Variants in AKT2 observed in about 807,000 individuals in gnomAD.
AKT2 encodes RAC-beta serine/threonine-protein kinase.
Under a neutral mutation model 58.6 loss-of-function variants are expected in AKT2, and 16 were observed. That is an observed-to-expected ratio of 0.27 (90% CI 0.18 to 0.41). The LOEUF (loss-of-function observed/expected upper bound fraction) is 0.41, where lower values mean the gene tolerates loss of function less well. Among genes scored for constraint, AKT2 ranks in the 10% least tolerant of loss-of-function variants. AKT2 has a pLI of 1.00. For synonymous variants in AKT2, 253 were observed against 254.0 expected (o/e 1.00, Z 0.04); for missense variants, 438 against 661.0 (o/e 0.66, Z 3.70).
chr19:40,282,505 T>C, intron 1 of AKT2: 1 of 526,876 alleles, frequency 1.9e-6, no homozygotes, highest in Non-Finnish European at 3.9e-6. Flanking sequence ...AATGCTGGAC[T>C]GGCTGTAGGC....
Position 40,285,279 on chromosome 19 carries a change from A to ACGGCGCCGGCAGCGGCAG in AKT2, c.-201_-184dup, listed in dbSNP as rs2077494793. ...TTCCTTGTGTTTCCCGGCAGCGGCA[A>ACGGCGCCGGCAGCGGCAG]CGGCGCCGGCAGCGGCAGCGGCGGC... On this transcript the variant is annotated 5_prime_UTR_variant, in exon 1 of 14. Transcript: ENST00000392038. 2.5e-6 allele frequency: 1 copy of ACGGCGCCGGCAGCGGCAG among 394,846 alleles called. No individual in the cohort carries two copies. Among genetic ancestry groups the ACGGCGCCGGCAGCGGCAG allele is most frequent in the Non-Finnish European group, 4.5e-6 (1 of 223,856 alleles). The allele number at this position is 394,846 out of a possible 1,614,324, so 24.5% of individuals were successfully genotyped here.
chr19:40,272,624 C>T (rs1359844222), intron 1 of AKT2, among the ~76,000 whole-genome samples: 1 of 152,192 alleles, frequency 6.6e-6, no homozygotes, highest in Non-Finnish European at 1.5e-5. Context: ...CCTTGCAATC[C>T]ATGGACAAAA....
chr19:40,272,585 C>T (rs1304658772), intron 1 of AKT2, among the ~76,000 whole-genome samples: 1 of 152,224 alleles, frequency 6.6e-6, no homozygotes, highest in African/African-American at 2.4e-5. Flanking sequence ...TATTGTTTCA[C>T]ATGCTGATGT....
chr19:40,240,377 G>A (rs1401887998), intron 6 of AKT2: 6 of 667,846 alleles, frequency 9.0e-6, no homozygotes, highest in African/African-American at 3.6e-5. Context: ...AGACACCTGT[G>A]ACGTCCCTGC....
In AKT2 at chr19:40,234,825, C is replaced by T; in HGVS notation, c.1366+220G>A. 1 of 644,302 alleles carries T rather than the reference C, an allele frequency of 1.6e-6. No individual in the cohort carries two copies. Among genetic ancestry groups the T allele is most frequent in the Non-Finnish European group, 2.8e-6 (1 of 356,774 alleles). 39.9% of individuals were successfully genotyped at this position (644,302 alleles called of 1,614,324 possible). A position where few individuals can be genotyped will look rare whatever the true frequency, so the allele number is the denominator to read the frequency against. The stretch of plus-strand genomic sequence containing the variant: ...CCGGGCTGCCTCCTGCCCTGAGCCC[C>T]CCGACTGAGCTCCAGAACGTGCTGC... On this transcript the variant is annotated intron_variant, in intron 13 of 13. Coordinates refer to ENST00000392038, the MANE Select transcript of AKT2 (RefSeq NM_001626.6). This position sits in a 1 kb window ranked among gnomAD's most constrained non-coding sequence, Gnocchi z 4.7.
At chr19:40,246,399 C>T (rs1974755112) in intron 4 of AKT2, among the ~76,000 whole-genome samples, 1 of 152,184 alleles carries the variant, frequency 6.6e-6, no homozygotes. Context: ...GCTGGGATTA[C>T]AGGTGTGAGC....
In AKT2 at chr19:40,232,781, A is replaced by G. The variant is rs56327981; in HGVS notation, c.*1091T>C. ...CCCGCCGACACACGCAGTCCGAGGC[A>G]CGCACAGGAGTCCCACAGCACTGAC... On this transcript the variant is annotated 3_prime_UTR_variant, in exon 14 of 14. Transcript: ENST00000392038. 4.0e-4 allele frequency: 93 copies of G among 233,614 alleles called. No individual in the cohort carries two copies. In the Admixed American group the frequency reaches 4.7e-3, roughly 12 times the overall value. The allele number at this position is 233,614 out of a possible 1,614,324, so 14.5% of individuals were successfully genotyped here. A position where few individuals can be genotyped will look rare whatever the true frequency, so the allele number is the denominator to read the frequency against.
chr19:40,244,230 T>C (rs1974599410), intron 4 of AKT2: 1 of 151,734 alleles, frequency 6.6e-6, no homozygotes, highest in Admixed American at 6.6e-5. Flanking sequence ...ATGGCTTGCA[T>C]CCGGAAGTTT....
At chr19:40,246,535 C>T (rs1383296083) in intron 4 of AKT2, among the ~76,000 whole-genome samples, 1 of 152,060 alleles carries the variant, frequency 6.6e-6, no homozygotes, top group African/African-American at 2.4e-5. Flanking sequence ...CACAGATCTC[C>T]TAAGAGATAC....
In AKT2 at chr19:40,231,339, A is replaced by G. The variant is rs1973692613; in HGVS notation, c.*2533T>C. 1 of 232,870 alleles carries G rather than the reference A, an allele frequency of 4.3e-6. No homozygotes were observed. 14.4% of individuals were successfully genotyped at this position (232,870 alleles called of 1,614,324 possible). Reference sequence around the variant, plus strand: ...TGGGTCAACTCGGGGCTGGGACGAGATGGAAGAGTAAAAGGCCTTTCTTCA... The same window carrying G: ...TGGGTCAACTCGGGGCTGGGACGAGGTGGAAGAGTAAAAGGCCTTTCTTCA... On this transcript the variant is annotated 3_prime_UTR_variant, in exon 14 of 14. Coordinates refer to ENST00000392038, the MANE Select transcript of AKT2 (RefSeq NM_001626.6).
chr19:40,235,916 C>T lies in AKT2; in HGVS notation c.1149G>A (p.Gly383=), dbSNP rs1177138370. The change falls in exon 11 of 14, where the codon GGG becomes GGA. Residue 383 remains glycine (G), a synonymous_variant. Transcript: ENST00000392038. The surrounding 1 kb of genome is among the most constrained non-coding windows in gnomAD (Gnocchi z 6.3). ...TCTGCTTGGGGTCCTTCTTAAGCAGCCCAGCAAGCAGGGACTTGGCCTCGG... is the reference window on the plus strand; with the variant it reads ...TCTGCTTGGGGTCCTTCTTAAGCAGTCCAGCAAGCAGGGACTTGGCCTCGG... ...LSPEAKSLLA[G]LLKKDPKQRL... is the part of the protein sequence containing the mutation. The T allele has an allele frequency of 6.2e-7, 1 of 1,612,710 alleles. No individual in the cohort carries two copies. The highest frequency in any genetic ancestry group is 8.5e-7 in the Non-Finnish European group (1 of 1,179,936).
intron 4 of AKT2, among the ~76,000 whole-genome samples, chr19:40,252,922 T>C (rs1473457167): frequency 2.0e-5 from 3 of 152,216 alleles, no homozygotes; most frequent in Non-Finnish European, 4.4e-5. Flanking sequence ...GCACCTCAGC[T>C]GGCTTGAGAT....
rs1245279658 is a variant in AKT2 at position 40,233,395 on chromosome 19, C to A, written c.*477G>T. 4.5e-6 allele frequency: 2 copies of A among 447,548 alleles called. No individual in the cohort carries two copies. The highest frequency in any genetic ancestry group is 8.5e-6 in the Non-Finnish European group (2 of 236,218). 27.7% of individuals were successfully genotyped at this position (447,548 alleles called of 1,614,324 possible). A position where few individuals can be genotyped will look rare whatever the true frequency, so the allele number is the denominator to read the frequency against. Reference sequence around the variant, plus strand: ...GGGGACAGCGGGTGGGGGATTGGACCGCCCCGTGCCTGGCCACTCCGAGCC... The same window carrying A: ...GGGGACAGCGGGTGGGGGATTGGACAGCCCCGTGCCTGGCCACTCCGAGCC... On this transcript the variant is annotated 3_prime_UTR_variant, in exon 14 of 14. Transcript: ENST00000392038. This position sits in a 1 kb window ranked among gnomAD's most constrained non-coding sequence, Gnocchi z 4.3.
chr19:40,235,024 G>C lies in AKT2; in HGVS notation c.1366+21C>G. On this transcript the variant is annotated intron_variant, in intron 13 of 13. Transcript: ENST00000392038. The surrounding 1 kb of genome is among the most constrained non-coding windows in gnomAD (Gnocchi z 6.3). ...CCACCCCTGGGGCAGGCACACCAGCGCGGGGGCCCCAGGCACTCACAGCGG... is the reference window on the plus strand; with the variant it reads ...CCACCCCTGGGGCAGGCACACCAGCCCGGGGGCCCCAGGCACTCACAGCGG... 6.2e-7 allele frequency: 1 copy of C among 1,607,568 alleles called. No homozygotes were observed. Among genetic ancestry groups the C allele is most frequent in the Non-Finnish European group, 8.5e-7 (1 of 1,174,020 alleles).
chr19:40,275,720 C>T (rs1164848250), intron 1 of AKT2, among the ~76,000 whole-genome samples: 2 of 137,664 alleles, frequency 1.5e-5, no homozygotes, highest in South Asian at 2.2e-4. Context: ...TATGTGAGTC[C>T]GGGCACGATG....
chr19:40,246,318 G>T (rs1363652049), intron 4 of AKT2, among the ~76,000 whole-genome samples: 1 of 152,098 alleles, frequency 6.6e-6, no homozygotes, highest in African/African-American at 2.4e-5. Context: ...TAGAGACAGG[G>T]TTTCACCATG....
At chr19:40,278,886 G>A (rs1202512859) in intron 1 of AKT2, among the ~76,000 whole-genome samples, 3 of 151,872 alleles carry the variant, frequency 2.0e-5, no homozygotes, top group African/African-American at 2.4e-5. Context: ...CACAGCCACC[G>A]AGAGGGGTGC....
rs1599939944 is a variant in AKT2, at chr19:40,232,677, A to G, written c.*1195T>C. 2.6e-5 allele frequency: 6 copies of G among 233,496 alleles called. No individual in the cohort carries two copies. The East Asian group carries it at 3.6e-4, about 14-fold the overall frequency. The allele number at this position is 233,496 out of a possible 1,614,324, so 14.5% of individuals were successfully genotyped here. On this transcript the variant is annotated 3_prime_UTR_variant, in exon 14 of 14. Coordinates refer to ENST00000392038, the MANE Select transcript of AKT2 (RefSeq NM_001626.6). The stretch of plus-strand genomic sequence containing the variant: ...ATGCTCGGGCCAGGGATGGGGCCCA[A>G]GCCCACACACCATGCACACTGGAGG...
At chr19:40,239,590 C>G in intron 7 of AKT2, 1 of 351,930 alleles carries the variant, frequency 2.8e-6, no homozygotes, top group South Asian at 2.2e-5. Flanking sequence ...CAATCTAGTC[C>G]ATTTAACTGG....
Sources: allele counts gnomAD v4.1 joint callset (sites outside exome capture counted in the v4.1 genomes callset), GRCh38; gene constraint gnomAD v4.1.1; non-coding constraint Gnocchi (gnomAD v3.1); transcripts MANE v1.5; gene names NCBI Gene and HGNC (gene_info 2026-07-23, HGNC 2026-07-21).